LCAT: variants seen among roughly 807,000 people sequenced by gnomAD.
LCAT encodes phosphatidylcholine-sterol acyltransferase.
Under a neutral mutation model 41.0 loss-of-function variants are expected in LCAT, and 15 were observed. The ratio of observed to expected loss-of-function variants is 0.37; its 90% confidence interval spans 0.24 to 0.56. LCAT has a LOEUF of 0.56. Among genes scored for constraint, LCAT ranks in the 20% least tolerant of loss-of-function variants. LCAT has a pLI of 0.81. For synonymous variants in LCAT, 248 were observed against 245.4 expected, an observed-to-expected ratio of 1.01 and a Z score of -0.10; for missense variants, 449 against 595.1, an observed-to-expected ratio of 0.75 and a Z score of 2.55.
At position 67,941,982 on chromosome 16, in the gene LCAT, G is replaced by A. The variant is rs147412644; in HGVS notation, c.748+381C>T. 3.3e-5 allele frequency: 40 copies of A among 1,199,060 alleles called. No individual in the cohort carries two copies. In the African/African-American group the frequency reaches 5.1e-4, roughly 15 times the overall value. 74.3% of individuals were successfully genotyped at this position (1,199,060 alleles called of 1,614,324 possible). On this transcript the variant is annotated intron_variant, in intron 5 of 5. Coordinates refer to ENST00000264005, the MANE Select transcript of LCAT (RefSeq NM_000229.2). ...GGAAGAGCAGGTGGGGCCTCGGGGG[G>A]TCTGGCCCTAGCTCTGGCAGATCCA...
intron 5 of LCAT, chr16:67,941,560 G>A (rs181421626): frequency 2.7e-4 from 234 of 858,080 alleles, no homozygotes; most frequent in Non-Finnish European, 3.1e-4. Flanking sequence ...GATTGAGACT[G>A]CGGCTATGAT....
chr16:67,942,423 A>G lies in LCAT; in HGVS notation c.688T>C (p.Phe230Leu), dbSNP rs538162406. 1 of 1,613,986 alleles carries G rather than the reference A, an allele frequency of 6.2e-7. No individual in the cohort carries two copies. The highest frequency in any genetic ancestry group is 1.3e-5 in the African/African-American group (1 of 75,036). ...QAWKDRFIDG[F>L]ISLGAPWGGS... The stretch of plus-strand genomic sequence containing the variant: ...CCCCAGGGAGCCCCAAGAGAGATGA[A>G]GCCATCAATAAAGCGGTCCTTCCAG... Residue 230 changes from phenylalanine (F) to leucine (L), a missense_variant, in exon 5 of 6, where the codon TTC becomes CTC. Coordinates refer to ENST00000264005, the MANE Select transcript of LCAT (RefSeq NM_000229.2). The surrounding 1 kb of genome is among the most constrained non-coding windows in gnomAD (Gnocchi z 6.6).
In LCAT at chr16:67,943,579, G is replaced by A; in HGVS notation, c.155-367C>T. 2.0e-6 allele frequency: 1 copy of A among 502,992 alleles called. No individual in the cohort carries two copies. The highest frequency in any genetic ancestry group is 3.6e-6 in the Non-Finnish European group (1 of 275,638). The allele number at this position is 502,992 out of a possible 1,614,324, so 31.2% of individuals were successfully genotyped here. On this transcript the variant is annotated intron_variant, in intron 1 of 5. Coordinates refer to ENST00000264005, the MANE Select transcript of LCAT (RefSeq NM_000229.2). The surrounding 1 kb of genome is among the most constrained non-coding windows in gnomAD (Gnocchi z 4.6). ...GGCCGGGCATGGATGGGCCTCTCCTGCTCACCGATCCTGGGCTGGGCATCT... is the reference window on the plus strand; with the variant it reads ...GGCCGGGCATGGATGGGCCTCTCCTACTCACCGATCCTGGGCTGGGCATCT...
intron 5 of LCAT, chr16:67,941,857 G>A: frequency 1.9e-6 from 2 of 1,080,922 alleles, no homozygotes; most frequent in Non-Finnish European, 2.3e-6. Flanking sequence ...CGTTTCTCTT[G>A]TCCAGACTGT....
In LCAT at chr16:67,942,973, A is replaced by C. The variant is rs1303737816; in HGVS notation, c.315T>G (p.Val105=). 1 of 1,613,734 alleles carries C rather than the reference A, an allele frequency of 6.2e-7. No individual in the cohort carries two copies. Among genetic ancestry groups the C allele is most frequent in the Non-Finnish European group, 8.5e-7 (1 of 1,179,970 alleles). Residue 105 remains valine (V), a synonymous_variant, in exon 3 of 6, where the codon GTT becomes GTG. Coordinates refer to ENST00000264005, the MANE Select transcript of LCAT (RefSeq NM_000229.2). This position sits in a 1 kb window ranked among gnomAD's most constrained non-coding sequence, Gnocchi z 6.6. ...CGAGCCCAGAGCTCCGGTTGTAGAC[A>C]ACCCTGCGGGGCGGGGGTGCCACTC... ...GVDCWIDNTR[V]VYNRSSGLVS... is the part of the protein sequence containing the mutation.
rs1567409114 is a variant in LCAT, at chr16:67,942,788, CG to C, written c.428-23del. The C allele has an allele frequency of 3.7e-6, 6 of 1,612,650 alleles. No individual in the cohort carries two copies. The highest frequency in any genetic ancestry group is 2.2e-5 in the East Asian group (1 of 44,898). On this transcript the variant is annotated intron_variant, in intron 3 of 5. Transcript: ENST00000264005. This position sits in a 1 kb window ranked among gnomAD's most constrained non-coding sequence, Gnocchi z 6.6. ...TACCCTGTGGGGGGACCAGCAGCAC[CG>C]GGGGCTTGGGCCATGCCTGCTGTGG...
Position 67,943,845 on chromosome 16 carries a change from C to T in LCAT, c.154+103G>A. The T allele has an allele frequency of 8.7e-7, 1 of 1,147,796 alleles. No individual in the cohort carries two copies. The highest frequency in any genetic ancestry group is 1.6e-5 in the African/African-American group (1 of 64,190). 71.1% of individuals were successfully genotyped at this position (1,147,796 alleles called of 1,614,324 possible). ...ACCAGGGCAGGTACTTATGTCGGGG[C>T]TTATGCAGGGCAGAAGGGCTTTGGC... On this transcript the variant is annotated intron_variant, in intron 1 of 5. Transcript: ENST00000264005. The surrounding 1 kb of genome is among the most constrained non-coding windows in gnomAD (Gnocchi z 4.6).
chr16:67,943,833 C>T lies in LCAT; in HGVS notation c.154+115G>A, dbSNP rs2058310277. 1 of 1,017,784 alleles carries T rather than the reference C, an allele frequency of 9.8e-7. No individual in the cohort carries two copies. Among genetic ancestry groups the T allele is most frequent in the Non-Finnish European group, 1.4e-6 (1 of 706,044 alleles). 63.0% of individuals were successfully genotyped at this position (1,017,784 alleles called of 1,614,324 possible). On this transcript the variant is annotated intron_variant, in intron 1 of 5. Coordinates refer to ENST00000264005, the MANE Select transcript of LCAT (RefSeq NM_000229.2). The surrounding 1 kb of genome is among the most constrained non-coding windows in gnomAD (Gnocchi z 4.6). ...GCCCCTCCCCACACCAGGGCAGGTA[C>T]TTATGTCGGGGCTTATGCAGGGCAG...
rs1192769660 is a variant in LCAT, at chr16:67,943,077, T to TCTAC, written c.286_289dup (p.Asp97GlyfsTer7). The TCTAC allele has an allele frequency of 6.2e-7, 1 of 1,613,978 alleles. No homozygotes were observed. Among genetic ancestry groups the TCTAC allele is most frequent in the South Asian group, 1.1e-5 (1 of 91,084 alleles). On this transcript the variant is annotated frameshift_variant, in exon 2 of 6. Transcript: ENST00000264005. LOFTEE classifies it high-confidence loss of function. The surrounding 1 kb of genome is among the most constrained non-coding windows in gnomAD (Gnocchi z 4.6). ...GTACCTGGTGTTATCGATCCAGCAG[T>TCTAC]CTACCCCAAGGGGTAGGAACATGTT...
In LCAT at chr16:67,942,782, C is replaced by T; in HGVS notation, c.428-16G>A. The T allele has an allele frequency of 6.2e-7, 1 of 1,612,840 alleles. No homozygotes were observed. Among genetic ancestry groups the T allele is most frequent in the African/African-American group, 1.3e-5 (1 of 75,052 alleles). On this transcript the variant is annotated splice_polypyrimidine_tract_variant and intron_variant, in intron 3 of 5. Coordinates refer to ENST00000264005, the MANE Select transcript of LCAT (RefSeq NM_000229.2). The surrounding 1 kb of genome is among the most constrained non-coding windows in gnomAD (Gnocchi z 6.6). Reference sequence around the variant, plus strand: ...TGCAGGTACCCTGTGGGGGGACCAGCAGCACCGGGGGCTTGGGCCATGCCT... The same window carrying T: ...TGCAGGTACCCTGTGGGGGGACCAGTAGCACCGGGGGCTTGGGCCATGCCT...
In LCAT at chr16:67,943,344, T is replaced by C; in HGVS notation, c.155-132A>G. 1.4e-6 allele frequency: 1 copy of C among 732,872 alleles called. No individual in the cohort carries two copies. The highest frequency in any genetic ancestry group is 2.3e-6 in the Non-Finnish European group (1 of 434,676). 45.4% of individuals were successfully genotyped at this position (732,872 alleles called of 1,614,324 possible). A position where few individuals can be genotyped will look rare whatever the true frequency, so the allele number is the denominator to read the frequency against. ...TCAACCCCCAGGTACAAAGCACACT[T>C]ACCCTCCCCTGCTTACACCCCCTCT... On this transcript the variant is annotated intron_variant, in intron 1 of 5. Coordinates refer to ENST00000264005, the MANE Select transcript of LCAT (RefSeq NM_000229.2). This position sits in a 1 kb window ranked among gnomAD's most constrained non-coding sequence, Gnocchi z 4.6.
Position 67,943,875 on chromosome 16 carries a change from T to C in LCAT, c.154+73A>G. On this transcript the variant is annotated intron_variant, in intron 1 of 5. Transcript: ENST00000264005. The surrounding 1 kb of genome is among the most constrained non-coding windows in gnomAD (Gnocchi z 4.6). ...GCAGGGCAGAAGGGCTTTGGCCAGG[T>C]CAGCTGCCAGGGGCTGGGGCCCAGG... 1 of 1,407,496 alleles carries C rather than the reference T, an allele frequency of 7.1e-7. No individual in the cohort carries two copies. The highest frequency in any genetic ancestry group is 9.6e-7 in the Non-Finnish European group (1 of 1,041,380). 87.2% of individuals were successfully genotyped at this position (1,407,496 alleles called of 1,614,324 possible).
chr16:67,941,792 G>T (rs1180683667), intron 5 of LCAT: 2 of 1,028,384 alleles, frequency 1.9e-6, no homozygotes, highest in African/African-American at 1.7e-5. Context: ...TTGTGCTCCA[G>T]AAAGGGGGAA....
chr16:67,940,038 G>C lies in LCAT; in HGVS notation c.1189C>G (p.His397Asp). 1 of 1,613,542 alleles carries C rather than the reference G, an allele frequency of 6.2e-7. No individual in the cohort carries two copies. Among genetic ancestry groups the C allele is most frequent in the South Asian group, 1.1e-5 (1 of 91,084 alleles). The change falls in exon 6 of 6, where the codon CAC (histidine) becomes GAC (aspartate). Residue 397 changes from histidine to aspartate, a missense_variant. Transcript: ENST00000264005. ...QPQPVHLLPL[H>D]GIQHLNMVFS... ...ACCATGTTGAGATGCTGTATCCCGTGCAGGGGCAGCAGGTGCACAGGCTGT... is the reference window on the plus strand; with the variant it reads ...ACCATGTTGAGATGCTGTATCCCGTCCAGGGGCAGCAGGTGCACAGGCTGT...
rs1471466689 is a variant in LCAT, at chr16:67,939,936, T to A, written c.1291A>T (p.Thr431Ser). Reference sequence around the variant, plus strand: ...GGAGGCGGGGGCTCTGGGCTGGCAGTCGGGGATGCAGGGGGACCCTGGCGG... The same window carrying A: ...GGAGGCGGGGGCTCTGGGCTGGCAGACGGGGATGCAGGGGGACCCTGGCGG... Reference protein sequence around the residue: ...AYRQGPPASPTASPEPPPPE With the variant: ...AYRQGPPASPSASPEPPPPE Residue 431 changes from threonine (T) to serine (S), a missense_variant, in exon 6 of 6, where the codon ACT becomes TCT. Physicochemically the swap from Thr to Ser is moderately conservative, Grantham distance 58 (BLOSUM62 1). Coordinates refer to ENST00000264005, the MANE Select transcript of LCAT (RefSeq NM_000229.2). 6.2e-7 allele frequency: 1 copy of A among 1,613,366 alleles called. No individual in the cohort carries two copies. Among genetic ancestry groups the A allele is most frequent in the South Asian group, 1.1e-5 (1 of 91,076 alleles).
intron 5 of LCAT, chr16:67,941,847 C>T (rs542318327): frequency 8.5e-6 from 9 of 1,057,194 alleles, no homozygotes; most frequent in South Asian, 6.4e-5. Context: ...GTCTGATGAG[C>T]GTTTCTCTTG....
At position 67,939,838 on chromosome 16, in the gene LCAT, G is replaced by C. The variant is rs2058282479; in HGVS notation, c.*66C>G. 1 of 1,569,828 alleles carries C rather than the reference G, an allele frequency of 6.4e-7. No homozygotes were observed. The highest frequency in any genetic ancestry group is 2.2e-5 in the East Asian group (1 of 44,510). On this transcript the variant is annotated 3_prime_UTR_variant, in exon 6 of 6. Transcript: ENST00000264005. ...CTGGTGAGGAGTGAAACCTAGTGTG[G>C]GACTCTAGTGCCTCCCTTCAACCTG... is the stretch of plus-strand genomic sequence containing the variant.
Position 67,942,764 on chromosome 16 carries a change from A to G in LCAT, c.430T>C (p.Tyr144His). 1 of 1,612,552 alleles carries G rather than the reference A, an allele frequency of 6.2e-7. No homozygotes were observed. Among genetic ancestry groups the G allele is most frequent in the East Asian group, 2.2e-5 (1 of 44,860 alleles). ...EYLDSSKLAG[Y>H]LHTLVQNLVN... ...AGGTTCTGCACCAGTGTGTGCAGGTACCCTGTGGGGGGACCAGCAGCACCG... is the reference window on the plus strand; with the variant it reads ...AGGTTCTGCACCAGTGTGTGCAGGTGCCCTGTGGGGGGACCAGCAGCACCG... The change falls in exon 4 of 6, where the codon TAC becomes CAC. Residue 144 changes from tyrosine to histidine, a missense_variant and splice_region_variant. Tyr to His is a moderately conservative substitution (Grantham distance 83, BLOSUM62 2). Transcript: ENST00000264005. The surrounding 1 kb of genome is among the most constrained non-coding windows in gnomAD (Gnocchi z 6.6).
At chr16:67,940,526 CT>C (rs2058286387) in intron 5 of LCAT, 48 bp from the exon 6 acceptor site, 2 of 1,610,200 alleles carry the variant, frequency 1.2e-6, no homozygotes, top group South Asian at 1.1e-5. Flanking sequence ...CTGGCTACCC[CT>C]GGCCCACAAC....
Sources: gnomAD v4.1 joint callset for allele counts on GRCh38, gnomAD v4.1.1 for gene constraint, Gnocchi (gnomAD v3.1) non-coding constraint, MANE v1.5 for transcripts, NCBI Gene and HGNC (gene_info 2026-07-23, HGNC 2026-07-21) for gene names.